Variants in TAFA2 observed in about 807,000 individuals in gnomAD.
The protein encoded by TAFA2 is TAFA chemokine like family member 2.
Under a neutral mutation model 18.8 loss-of-function variants are expected in TAFA2, and 7 were observed. The observed-to-expected ratio is 0.37, with a 90% confidence interval of 0.21 to 0.70. The LOEUF (loss-of-function observed/expected upper bound fraction) is 0.70, where lower values mean the gene tolerates loss of function less well. Ranked by LOEUF, TAFA2 falls within the 30% of genes least tolerant of loss-of-function variation. The pLI, the probability that TAFA2 is intolerant of heterozygous loss-of-function variation, is 0.53. For missense variants in TAFA2, 122 were observed against 158.1 expected (o/e 0.77, Z 1.23); for synonymous variants, 60 against 54.2 (o/e 1.11, Z -0.47).
chr12:62,092,010 AAAG>A (rs1175591285), intron 1 of TAFA2, among the ~76,000 whole-genome samples: 2 of 151,982 alleles, frequency 1.3e-5, no homozygotes, highest in African/African-American at 2.4e-5. Context: ...ATTATTTTTA[AAAG>A]AATAACTAGT....
intron 1 of TAFA2, among the ~76,000 whole-genome samples, chr12:62,169,319 T>A (rs2062461243): frequency 6.6e-6 from 1 of 152,174 alleles, no homozygotes; most frequent in South Asian, 2.1e-4. Context: ...ACTAGTTGTC[T>A]GATTCCAAAG....
At chr12:62,097,856 G>C (rs1468034536) in intron 1 of TAFA2, among the ~76,000 whole-genome samples, 1 of 152,062 alleles carries the variant, frequency 6.6e-6, no homozygotes, top group Non-Finnish European at 1.5e-5. Context: ...CATGAGAAAA[G>C]TTCCAGCTTT....
intron 1 of TAFA2, among the ~76,000 whole-genome samples, chr12:62,211,917 T>C (rs2062715886): frequency 6.6e-6 from 1 of 152,236 alleles, no homozygotes; most frequent in Non-Finnish European, 1.5e-5. Flanking sequence ...AAAAGCATGG[T>C]TAATGCAAGT....
chr12:62,156,726 C>T (rs544361115), intron 1 of TAFA2, among the ~76,000 whole-genome samples: 34 of 152,236 alleles, frequency 2.2e-4, no homozygotes, highest in African/African-American at 7.7e-4. Flanking sequence ...ATCATATGCT[C>T]TCACTGATAT....
chr12:61,719,231 G>A lies in TAFA2; in HGVS notation c.385-8814C>T, dbSNP rs538145451. Among the ~76,000 whole-genome samples, 8 of 152,210 alleles carry A rather than the reference G, an allele frequency of 5.3e-5. No individual in the cohort carries two copies. In the East Asian group the frequency reaches 9.7e-4, roughly 18 times the overall value. On this transcript the variant is annotated intron_variant, in intron 4 of 4. Transcript: ENST00000416284. ...AGTAGCCTTTCCCCAAAACTCAACC[G>A]CCTTTGTAAAGCTAAGGAAAGATCA...
intron 4 of TAFA2, among the ~76,000 whole-genome samples, chr12:61,750,632 C>T (rs183113198): frequency 1.3e-5 from 2 of 152,164 alleles, no homozygotes; most frequent in African/African-American, 2.4e-5. Context: ...GTAGTCAATT[C>T]GGGAAGGTGC....
At chr12:61,902,183 C>A (rs759300623) in intron 1 of TAFA2, among the ~76,000 whole-genome samples, 1 of 149,036 alleles carries the variant, frequency 6.7e-6, no homozygotes. Context: ...AGGCTGTCTA[C>A]AAAATGATGT....
intron 4 of TAFA2, among the ~76,000 whole-genome samples, chr12:61,712,853 G>A (rs1869477978): frequency 6.6e-6 from 1 of 151,972 alleles, no homozygotes; most frequent in Non-Finnish European, 1.5e-5. Context: ...AGGACACATG[G>A]TGATTCGGCA....
chr12:61,878,956 T>C (rs1429689579), intron 1 of TAFA2, among the ~76,000 whole-genome samples: 1 of 152,144 alleles, frequency 6.6e-6, no homozygotes, highest in East Asian at 1.9e-4. Context: ...GGGAGCAGGC[T>C]TAAAGAAGGT....
chr12:61,849,071 T>C (rs1487260794), intron 2 of TAFA2, among the ~76,000 whole-genome samples: 4 of 152,198 alleles, frequency 2.6e-5, no homozygotes, highest in African/African-American at 4.8e-5. Flanking sequence ...CATGAACTCC[T>C]GACCTCAGGC....
intron 1 of TAFA2, among the ~76,000 whole-genome samples, chr12:62,089,225 C>T (rs185487825): frequency 3.0e-4 from 46 of 152,092 alleles, no homozygotes; most frequent in Admixed American, 1.0e-3. Flanking sequence ...CACAATGAAC[C>T]GATATACTTT....
At chr12:61,770,847 G>A (rs1013243929) in intron 2 of TAFA2, among the ~76,000 whole-genome samples, 3 of 151,870 alleles carry the variant, frequency 2.0e-5, no homozygotes, top group Admixed American at 6.6e-5. Context: ...GAAACCCAAG[G>A]TATCAAAGCA....
At chr12:62,113,791 G>C (rs1457616303) in intron 1 of TAFA2, among the ~76,000 whole-genome samples, 1 of 152,170 alleles carries the variant, frequency 6.6e-6, no homozygotes, top group African/African-American at 2.4e-5. Context: ...TGTTTACAAT[G>C]TGAGGGAAAA....
At chr12:61,878,068 T>A (rs1369197905) in intron 1 of TAFA2, 1 of 455,262 alleles carries the variant, frequency 2.2e-6, no homozygotes, top group Admixed American at 2.4e-5. Flanking sequence ...TACTGTGTGG[T>A]CCTACTTACA....
chr12:62,064,711 G>A (rs1238445678), intron 1 of TAFA2, among the ~76,000 whole-genome samples: 1 of 151,996 alleles, frequency 6.6e-6, no homozygotes, highest in Non-Finnish European at 1.5e-5. Flanking sequence ...TTATATGACT[G>A]AATTGCATTC....
At chr12:62,169,956 A>G (rs2062465984) in intron 1 of TAFA2, among the ~76,000 whole-genome samples, 1 of 152,140 alleles carries the variant, frequency 6.6e-6, no homozygotes, top group Non-Finnish European at 1.5e-5. Flanking sequence ...GCTGTATAAT[A>G]AAAATGAGCC....
chr12:61,763,752 C>T (rs1438114271), intron 2 of TAFA2, among the ~76,000 whole-genome samples: 1 of 151,628 alleles, frequency 6.6e-6, no homozygotes, highest in East Asian at 2.0e-4. Flanking sequence ...GGATGGAGCT[C>T]GGAGGAAGCA....
At chr12:62,137,707 T>C (rs1422970987) in intron 1 of TAFA2, among the ~76,000 whole-genome samples, 2 of 152,088 alleles carry the variant, frequency 1.3e-5, no homozygotes, top group African/African-American at 2.4e-5. Context: ...CCCTGGATTA[T>C]TGTAATGGCC....
At chr12:61,728,032 GTTT>G (rs71083954) in intron 4 of TAFA2, among the ~76,000 whole-genome samples, 34 of 128,466 alleles carry the variant, frequency 2.6e-4, no homozygotes, top group African/African-American at 5.5e-4. Flanking sequence ...TTTGAGGGTT[GTTT>G]TTTTTTTTTT....
Sources: allele counts gnomAD v4.1 joint callset (sites outside exome capture counted in the v4.1 genomes callset), GRCh38; gene constraint gnomAD v4.1.1; transcripts MANE v1.5; gene names NCBI Gene and HGNC (gene_info 2026-07-23, HGNC 2026-07-21).